MIS18A: variants seen among roughly 807,000 people sequenced by gnomAD.
MIS18A encodes the protein protein Mis18-alpha.
In MIS18A, 14 loss-of-function variants were observed where a neutral mutation model predicts 25.0. The observed-to-expected ratio is 0.56, with a 90% CI of 0.37 to 0.88. The LOEUF (loss-of-function observed/expected upper bound fraction) is 0.88. Ranked by LOEUF, MIS18A falls within the 40% of genes least tolerant of loss-of-function variation. The pLI, the probability that MIS18A is intolerant of heterozygous loss-of-function variation, is 0.00. For missense variants in MIS18A, 292 were observed against 290.8 expected (o/e 1.00, Z -0.03); for synonymous variants, 134 against 118.6 (o/e 1.13, Z -0.84).
downstream of MIS18A, among the ~76,000 whole-genome samples, chr21:32,264,018 C>T (rs2031552799): frequency 6.6e-6 from 1 of 152,036 alleles, no homozygotes; most frequent in Admixed American, 6.6e-5. Context: ...GGTTAGTAAA[C>T]TCAGTTGTTA....
the MIS18A span, among the ~76,000 whole-genome samples, chr21:32,176,092 C>T: frequency 1.3e-5 from 2 of 152,084 alleles, no homozygotes; most frequent in African/African-American, 4.8e-5. Context: ...GGAATACCTC[C>T]CGAAGGACAT....
chr21:32,212,719 G>A, the MIS18A span, among the ~76,000 whole-genome samples: 1 of 152,226 alleles, frequency 6.6e-6, no homozygotes, highest in African/African-American at 2.4e-5. Context: ...GCCAGGTGGA[G>A]ATAATTGAAT....
chr21:32,237,751 T>G, the MIS18A span, among the ~76,000 whole-genome samples: 1 of 152,136 alleles, frequency 6.6e-6, no homozygotes, highest in Non-Finnish European at 1.5e-5. Context: ...TCCTGATGAT[T>G]AGGAAAAATG....
downstream of MIS18A, among the ~76,000 whole-genome samples, chr21:32,267,438 T>A (rs985915304): frequency 3.9e-5 from 6 of 152,254 alleles, no homozygotes; most frequent in Non-Finnish European, 7.3e-5. Flanking sequence ...GCTACATTTA[T>A]CTTCTGATCT....
chr21:32,188,468 CA>C, the MIS18A span, among the ~76,000 whole-genome samples: 1 of 152,210 alleles, frequency 6.6e-6, no homozygotes, highest in Admixed American at 6.5e-5. Context: ...GGGCAGTAAA[CA>C]TGCCCCATTT....
chr21:32,213,608 G>A, the MIS18A span, among the ~76,000 whole-genome samples: 8 of 152,244 alleles, frequency 5.3e-5, no homozygotes, highest in East Asian at 7.7e-4. Context: ...ACCTTTCAAC[G>A]TGTGGATCAT....
chr21:32,252,857 C>T, the MIS18A span, among the ~76,000 whole-genome samples: 1 of 152,216 alleles, frequency 6.6e-6, no homozygotes, highest in Non-Finnish European at 1.5e-5. Context: ...CAGAGAATGA[C>T]TGTGAAATTT....
At chr21:32,235,995 C>T in the MIS18A span, among the ~76,000 whole-genome samples, 4 of 152,098 alleles carry the variant, frequency 2.6e-5, no homozygotes, top group South Asian at 2.1e-4. Flanking sequence ...AGAACTCTCA[C>T]GCAGTTGGGC....
At chr21:32,254,024 CA>C in the MIS18A span, among the ~76,000 whole-genome samples, 8 of 150,478 alleles carry the variant, frequency 5.3e-5, no homozygotes, top group South Asian at 1.3e-3. Context: ...ATCACAAGGT[CA>C]GGAGTTCGAG....
downstream of MIS18A, among the ~76,000 whole-genome samples, chr21:32,265,983 T>C (rs940951135): frequency 6.6e-6 from 1 of 152,192 alleles, no homozygotes; most frequent in Non-Finnish European, 1.5e-5. Flanking sequence ...ATCAGCACCC[T>C]GTGTTTAGCT....
chr21:32,262,149 G>T, the MIS18A span, among the ~76,000 whole-genome samples: 1 of 152,194 alleles, frequency 6.6e-6, no homozygotes, highest in Non-Finnish European at 1.5e-5. Flanking sequence ...TGTAAAATGG[G>T]TATGATGCTT....
intron 2 of MIS18A, among the ~76,000 whole-genome samples, chr21:32,273,631 C>A (rs2031754401): frequency 6.6e-6 from 1 of 152,076 alleles, no homozygotes; most frequent in Non-Finnish European, 1.5e-5. Flanking sequence ...CTGTCCCCTA[C>A]CACATGTATA....
At chr21:32,155,083 T>C in the MIS18A span, among the ~76,000 whole-genome samples, 2 of 152,210 alleles carry the variant, frequency 1.3e-5, no homozygotes, top group South Asian at 4.1e-4. Flanking sequence ...CACTTATCAT[T>C]GGGAGTATTA....
At chr21:32,178,406 CTAT>C in the MIS18A span, among the ~76,000 whole-genome samples, 1 of 152,006 alleles carries the variant, frequency 6.6e-6, no homozygotes, top group Non-Finnish European at 1.5e-5. Context: ...TTGTTTTTCT[CTAT>C]TTTTTCTTGC....
chr21:32,207,033 A>C, the MIS18A span, among the ~76,000 whole-genome samples: 1 of 152,190 alleles, frequency 6.6e-6, no homozygotes, highest in Non-Finnish European at 1.5e-5. Context: ...TTGGGATCAA[A>C]ATCTTAATAA....
chr21:32,221,957 TA>T, the MIS18A span, among the ~76,000 whole-genome samples: 5 of 152,222 alleles, frequency 3.3e-5, no homozygotes, highest in South Asian at 1.0e-3. Context: ...ACCTTAAATG[TA>T]AATGGGCTAA....
the MIS18A span, among the ~76,000 whole-genome samples, chr21:32,194,517 G>C: frequency 6.6e-6 from 1 of 152,064 alleles, no homozygotes; most frequent in Non-Finnish European, 1.5e-5. Context: ...AAATTAGCCA[G>C]GTGTGGTGGT....
At chr21:32,168,174 GCTCCAAC>G in the MIS18A span, among the ~76,000 whole-genome samples, 1 of 152,172 alleles carries the variant, frequency 6.6e-6, no homozygotes, top group African/African-American at 2.4e-5. Context: ...GAAAAAGAGG[GCTCCAAC>G]CAGGAACCAC....
At chr21:32,207,259 A>G in the MIS18A span, among the ~76,000 whole-genome samples, 1 of 152,236 alleles carries the variant, frequency 6.6e-6, no homozygotes, top group Non-Finnish European at 1.5e-5. Context: ...GCAGATAAGC[A>G]TCTCGTCTAG....
Sources: gnomAD v4.1 joint callset for allele counts (sites outside exome capture counted in the v4.1 genomes callset) on GRCh38, gnomAD v4.1.1 for gene constraint, MANE v1.5 for transcripts, NCBI Gene and HGNC (gene_info 2026-07-23, HGNC 2026-07-21) for gene names.